HMCN2: variants seen among roughly 807,000 people sequenced by gnomAD.
HMCN2 encodes hemicentin 2, also known as hemicentin-2.
Under a neutral mutation model 377.5 loss-of-function variants are expected in HMCN2, and 325 were observed. The ratio of observed to expected loss-of-function variants is 0.86; its 90% CI spans 0.79 to 0.94. HMCN2 has a LOEUF of 0.94. Among genes scored for constraint, HMCN2 ranks in the 40% least tolerant of loss-of-function variants. The pLI is 0.00. For missense variants in HMCN2, 4,543 were observed against 4,725.3 expected, an observed-to-expected ratio of 0.96 and a Z score of 1.13; for synonymous variants, 2,007 against 2,046.8, an observed-to-expected ratio of 0.98 and a Z score of 0.53.
chr9:130,351,180 C>T lies in HMCN2; in HGVS notation c.4431-243C>T, dbSNP rs1230638352. 6.6e-6 allele frequency among the ~76,000 whole-genome samples: 1 copy of T among 152,168 alleles called. No homozygotes were observed. Among genetic ancestry groups the T allele is most frequent in the African/African-American group, 2.4e-5 (1 of 41,440 alleles). On this transcript the variant is annotated intron_variant, in intron 29 of 97. Transcript: ENST00000683500. This position sits in a 1 kb window ranked among gnomAD's most constrained non-coding sequence, Gnocchi z 5.4. ...TTCCACTCGGCATATTTTCCAGGTT[C>T]ATCCATACTGTGGCAAGTGTCAGAA...
At chr9:130,322,761 T>C (rs1208616149) in intron 19 of HMCN2, among the ~76,000 whole-genome samples, 1 of 152,250 alleles carries the variant, frequency 6.6e-6, no homozygotes, top group African/African-American at 2.4e-5. Flanking sequence ...CTTGCCCAAC[T>C]GCTCTCCTGC....
intron 36 of HMCN2, among the ~76,000 whole-genome samples, 178 bp from the exon 37 acceptor site, chr9:130,359,141 T>G (rs1046220981): frequency 6.6e-6 from 1 of 152,086 alleles, no homozygotes; most frequent in African/African-American, 2.4e-5. Context: ...CTGTTGCTCT[T>G]TGTTCTTGGG....
At chr9:130,285,977 G>C (rs1033218870) in intron 3 of HMCN2, among the ~76,000 whole-genome samples, 1 of 152,214 alleles carries the variant, frequency 6.6e-6, no homozygotes, top group Non-Finnish European at 1.5e-5. Flanking sequence ...CTGGCCCTGT[G>C]CTGAGCATTT....
intron 86 of HMCN2, among the ~76,000 whole-genome samples, chr9:130,421,849 A>AT (rs1374213350): frequency 3.3e-5 from 5 of 152,076 alleles, no homozygotes; most frequent in African/African-American, 1.2e-4. Flanking sequence ...GTTTTATGTT[A>AT]TTTTTTGACA....
In HMCN2 at chr9:130,380,320, A is replaced by T. The variant is rs527564074; in HGVS notation, c.8431+853A>T. Among the ~76,000 whole-genome samples the T allele has an allele frequency of 5.9e-5, 9 of 152,266 alleles. No homozygotes were observed. The South Asian group carries it at 1.9e-3, about 32-fold the overall frequency. On this transcript the variant is annotated intron_variant, in intron 54 of 97. Transcript: ENST00000683500. The stretch of plus-strand genomic sequence containing the variant: ...AAGGCTCCAGGGGTGGGGCTTAGAA[A>T]TGCCCGGCCCACCTGGCTCATGAGG...
chr9:130,406,228 G>A (rs773289620), intron 82 of HMCN2, 60 bp downstream of exon 82: 421 of 1,264,440 alleles, frequency 3.3e-4, no homozygotes, highest in Non-Finnish European at 4.1e-4. Flanking sequence ...GTTAAGAAGG[G>A]AGGGCAGGTG....
chr9:130,313,142 G>A (rs1837356336), intron 15 of HMCN2, among the ~76,000 whole-genome samples: 3 of 152,048 alleles, frequency 2.0e-5, no homozygotes, highest in Non-Finnish European at 4.4e-5. Context: ...GTGGGTCTGG[G>A]GTGAGCTGGT....
At position 130,406,108 on chromosome 9, in the gene HMCN2, G is replaced by A. The variant is rs1843080669; in HGVS notation, c.12493G>A (p.Ala4165Thr). 2.3e-6 allele frequency: 3 copies of A among 1,289,734 alleles called. No homozygotes were observed. The highest frequency in any genetic ancestry group is 3.0e-6 in the Non-Finnish European group (3 of 988,890). The allele number at this position is 1,289,734 out of a possible 1,614,324, so 79.9% of individuals were successfully genotyped here. A position where few individuals can be genotyped will look rare whatever the true frequency, so the allele number is the denominator to read the frequency against. Residue 4165 changes from alanine (A) to threonine (T), a missense_variant, in exon 82 of 98, where the codon GCA becomes ACA. Transcript: ENST00000683500. The part of the protein sequence containing the change: ...RLGDRLWLRC[A>T]ARGSPTPRIG... ...TGGGGACAGGCTGTGGCTTCGCTGT[G>A]CAGCCCGGGGCAGCCCCACCCCTCG... is the stretch of plus-strand genomic sequence containing the variant.
intron 85 of HMCN2, among the ~76,000 whole-genome samples, chr9:130,411,730 C>T (rs1302530972): frequency 6.6e-6 from 1 of 151,834 alleles, no homozygotes; most frequent in Admixed American, 6.6e-5. Flanking sequence ...CTGTATGATT[C>T]TGTTTATATG....
chr9:130,390,914 G>T, intron 62 of HMCN2, 63 bp from the exon 63 acceptor site: 1 of 973,442 alleles, frequency 1.0e-6, no homozygotes, highest in Non-Finnish European at 1.2e-6. Flanking sequence ...GCCTCTGTGG[G>T]GCTCAGTTTC....
chr9:130,390,986 C>G lies in HMCN2; in HGVS notation c.9533C>G (p.Ala3178Gly). The G allele has an allele frequency of 1.0e-6, 1 of 987,068 alleles. No homozygotes were observed. The highest frequency in any genetic ancestry group is 1.2e-6 in the Non-Finnish European group (1 of 830,196). 61.1% of individuals were successfully genotyped at this position (987,068 alleles called of 1,614,324 possible). A position where few individuals can be genotyped will look rare whatever the true frequency, so the allele number is the denominator to read the frequency against. The change falls in exon 63 of 98, where the codon GCG becomes GGG. Residue 3178 changes from alanine to glycine, a missense_variant. Transcript: ENST00000683500. ...CCCCTCTGTCCCACAGAGAGCAGCG[C>G]GGTGCACGGTGTGGTCTCCCGGGGG... ...LKDRMPVESS[A>G]VHGVVSRGGR...
In HMCN2 at chr9:130,391,014, C is replaced by A; in HGVS notation, c.9561C>A (p.Gly3187=). 1.0e-6 allele frequency: 1 copy of A among 987,462 alleles called. No homozygotes were observed. The highest frequency in any genetic ancestry group is 1.2e-6 in the Non-Finnish European group (1 of 830,198). The allele number at this position is 987,462 out of a possible 1,614,324, so 61.2% of individuals were successfully genotyped here. ...SAVHGVVSRG[G]RLQLSRLQPA... ...TGCACGGTGTGGTCTCCCGGGGGGGCCGCCTCCAGCTGAGCCGCCTGCAAC... is the reference window on the plus strand; with the variant it reads ...TGCACGGTGTGGTCTCCCGGGGGGGACGCCTCCAGCTGAGCCGCCTGCAAC... Residue 3187 remains glycine, a synonymous_variant, in exon 63 of 98, where the codon GGC becomes GGA. Coordinates refer to ENST00000683500, the MANE Select transcript of HMCN2 (RefSeq NM_001291815.2).
intron 19 of HMCN2, among the ~76,000 whole-genome samples, chr9:130,325,096 C>CTTTTTTTTTTTTTT (rs878863979): frequency 7.8e-6 from 1 of 128,066 alleles, no homozygotes. Context: ...TCTTCTTCTT[C>CTTTTTTTTTTTTTT]TTTTTTTTTT....
intron 54 of HMCN2, among the ~76,000 whole-genome samples, 191 bp downstream of exon 54, chr9:130,379,658 T>C (rs916597595): frequency 6.6e-6 from 1 of 152,216 alleles, no homozygotes; most frequent in South Asian, 2.1e-4. Flanking sequence ...GAGCAGAGCC[T>C]CCTATCATGG....
In HMCN2 at chr9:130,404,882, C is replaced by G; in HGVS notation, c.12162C>G (p.Ile4054Met). ...TRLVVQVPPV[I>M]ENGLPDLSTT... ...CTCTGCCCGCAGTCCCACCAGTGAT[C>G]GAGAATGGCCTCCCAGACCTGTCCA... Residue 4054 changes from isoleucine to methionine, a missense_variant, in exon 81 of 98, where the codon ATC (isoleucine) becomes ATG (methionine). This residue lies in a region of HMCN2 where 1,073 missense variants were observed against 1,319.5 expected (regional missense o/e 0.81). Coordinates refer to ENST00000683500, the MANE Select transcript of HMCN2 (RefSeq NM_001291815.2). The G allele has an allele frequency of 4.0e-6, 5 of 1,261,378 alleles. No individual in the cohort carries two copies. The highest frequency in any genetic ancestry group is 4.1e-6 in the Non-Finnish European group (4 of 973,184). 78.1% of individuals were successfully genotyped at this position (1,261,378 alleles called of 1,614,324 possible).
At chr9:130,403,016 TC>T (rs1842928200) in intron 78 of HMCN2, 120 bp downstream of exon 78, 1 of 996,914 alleles carries the variant, frequency 1.0e-6, no homozygotes, top group African/African-American at 1.7e-5. Context: ...CCGACCTGTC[TC>T]CCATGGGATT....
chr9:130,403,963 G>T, intron 80 of HMCN2, 88 bp downstream of exon 80: 1 of 1,158,008 alleles, frequency 8.6e-7, no homozygotes, highest in South Asian at 1.4e-5. Flanking sequence ...GCCTGGCAGG[G>T]CACACTGCTT....
intron 25 of HMCN2, among the ~76,000 whole-genome samples, chr9:130,343,709 T>A (rs965297497): frequency 1.3e-5 from 2 of 152,240 alleles, no homozygotes; most frequent in East Asian, 3.8e-4. Context: ...GTCCTGAGCC[T>A]GTCAGCCTCA....
rs1029527429 is a variant in HMCN2, at chr9:130,394,554, G to A, written c.10671G>A (p.Val3557=). ...AGAACAACAGCAGAGCCACACGGGT[G>A]CTCCGGGTGGAGAATGTGCAGGTAC... ...RLENNSRATR[V]LRVENVQVRD... Residue 3557 remains valine, a synonymous_variant, in exon 69 of 98, where the codon GTG becomes GTA. Transcript: ENST00000683500. This position sits in a 1 kb window ranked among gnomAD's most constrained non-coding sequence, Gnocchi z 5.1. 2 of 1,288,448 alleles carry A rather than the reference G, an allele frequency of 1.6e-6. No individual in the cohort carries two copies. The highest frequency in any genetic ancestry group is 3.0e-5 in the African/African-American group (2 of 65,950). 79.8% of individuals were successfully genotyped at this position (1,288,448 alleles called of 1,614,324 possible). A position where few individuals can be genotyped will look rare whatever the true frequency, so the allele number is the denominator to read the frequency against.
Sources: allele counts gnomAD v4.1 joint callset (sites outside exome capture counted in the v4.1 genomes callset), GRCh38; gene constraint gnomAD v4.1.1; regional missense constraint gnomAD v4.1.1; non-coding constraint Gnocchi (gnomAD v3.1); transcripts MANE v1.5; gene names NCBI Gene and HGNC (gene_info 2026-07-23, HGNC 2026-07-21).